Variants in AFF1 observed in about 807,000 individuals in gnomAD.
AFF1 encodes the protein ALF transcription elongation factor 1.
AFF1 carries 48 observed loss-of-function variants against 121.7 expected under a neutral mutation model. The observed-to-expected ratio is 0.39, with a 90% CI of 0.31 to 0.50. The LOEUF (loss-of-function observed/expected upper bound fraction) is 0.50, where lower values mean the gene tolerates loss of function less well. Ranked by LOEUF, AFF1 falls within the 20% of genes least tolerant of loss-of-function variation. The probability of loss-of-function intolerance (pLI) is 0.76; values close to 1 mark genes in which losing one functional copy is unlikely to be tolerated. For synonymous variants in AFF1, 613 were observed against 563.0 expected, an observed-to-expected ratio of 1.09 and a Z score of -1.26; for missense variants, 1,523 against 1,511.7, an observed-to-expected ratio of 1.01 and a Z score of -0.12.
chr4:87,111,012 AT>A (rs1281817683), intron 11 of AFF1, among the ~76,000 whole-genome samples: 11 of 29,270 alleles, frequency 3.8e-4, no homozygotes, highest in South Asian at 8.2e-4. Flanking sequence ...TTTTTTTTTT[AT>A]TTTTTTTTTT....
chr4:86,965,540 A>C (rs1722476639), intron 2 of AFF1, among the ~76,000 whole-genome samples: 1 of 152,202 alleles, frequency 6.6e-6, no homozygotes. Context: ...ATATCTAGGA[A>C]AGCATTGTAG....
chr4:87,118,516 T>A (rs1455567324), intron 12 of AFF1, among the ~76,000 whole-genome samples: 1 of 152,260 alleles, frequency 6.6e-6, no homozygotes, highest in Admixed American at 6.5e-5. Flanking sequence ...ACTATTCTGT[T>A]AATTACTTAT....
At position 87,126,132 on chromosome 4, in the gene AFF1, G is replaced by C; in HGVS notation, c.2607G>C (p.Lys869Asn). 1.2e-6 allele frequency: 2 copies of C among 1,614,162 alleles called. No individual in the cohort carries two copies. Among genetic ancestry groups the C allele is most frequent in the Non-Finnish European group, 1.7e-6 (2 of 1,180,016 alleles). The change falls in exon 14 of 21, where the codon AAG becomes AAC. Residue 869 changes from lysine to asparagine, a missense_variant. By Grantham distance (94) the Lys-to-Asn change is moderately conservative. Around this residue, in one of 5 missense-constraint regions of AFF1, gnomAD observed 905 missense variants for 842.5 expected, o/e 1.07. Coordinates refer to ENST00000395146, the MANE Select transcript of AFF1 (RefSeq NM_001166693.3). Reference sequence around the variant, plus strand: ...GGCCCTCCTCACAGTCCTCAAAGAAGGAAATGCTCCCCCCGCCACCCGTGT... The same window carrying C: ...GGCCCTCCTCACAGTCCTCAAAGAACGAAATGCTCCCCCCGCCACCCGTGT... Reference protein sequence around the residue: ...PSRPSSQSSKKEMLPPPPVSS... With the variant: ...PSRPSSQSSKNEMLPPPPVSS...
chr4:87,008,024 T>G (rs996370613), intron 2 of AFF1, among the ~76,000 whole-genome samples: 2 of 152,118 alleles, frequency 1.3e-5, no homozygotes, highest in African/African-American at 2.4e-5. Flanking sequence ...AGCGCTATTG[T>G]AAGAACCTGA....
chr4:87,017,361 TTA>T (rs748622152), intron 2 of AFF1, among the ~76,000 whole-genome samples: 1 of 152,128 alleles, frequency 6.6e-6, no homozygotes, highest in Non-Finnish European at 1.5e-5. Context: ...TGTTTTCAAT[TTA>T]TATGTGATCT....
At chr4:86,951,389 T>C (rs890766435) in intron 2 of AFF1, among the ~76,000 whole-genome samples, 14 of 149,618 alleles carry the variant, frequency 9.4e-5, no homozygotes, top group Non-Finnish European at 1.9e-4. Context: ...AAAAAAAAAT[T>C]GAGAAAGCAC....
rs1192247383 is a variant in AFF1, at chr4:87,046,741, G to A, written c.206G>A (p.Gly69Glu). Residue 69 changes from glycine (G) to glutamate (E), a missense_variant, in exon 4 of 21, where the codon GGA (glycine) becomes GAA (glutamate). Gly to Glu is a moderately conservative substitution (Grantham distance 98). Transcript: ENST00000395146. ...ELSSRIQNMLGNYEEVKEFLS... is the reference protein window; with the variant it reads ...ELSSRIQNMLENYEEVKEFLS... ...TCTAGTCGAATACAGAACATGTTGG[G>A]AAACTACGAAGAAGTGAAGGAGTTC... 1 of 1,614,114 alleles carries A rather than the reference G, an allele frequency of 6.2e-7. No homozygotes were observed. The highest frequency in any genetic ancestry group is 2.2e-5 in the East Asian group (1 of 44,878).
chr4:87,120,689 C>T (rs988401888), intron 12 of AFF1, among the ~76,000 whole-genome samples: 9 of 152,224 alleles, frequency 5.9e-5, no homozygotes, highest in African/African-American at 2.2e-4. Flanking sequence ...GGTTCCTCCA[C>T]GGCCCCCACC....
chr4:86,995,582 G>C (rs1203715527), intron 2 of AFF1, among the ~76,000 whole-genome samples: 1 of 151,946 alleles, frequency 6.6e-6, no homozygotes, highest in African/African-American at 2.4e-5. Flanking sequence ...CCGAGGTGCC[G>C]GGATTGCAGA....
At chr4:87,123,671 G>GA (rs749128916) in intron 12 of AFF1, among the ~76,000 whole-genome samples, 1 of 152,206 alleles carries the variant, frequency 6.6e-6, no homozygotes, top group Non-Finnish European at 1.5e-5. Context: ...GATGCCAGGA[G>GA]AAGGGAATTT....
intron 11 of AFF1, among the ~76,000 whole-genome samples, chr4:87,113,940 A>C (rs1726814710): frequency 6.6e-6 from 1 of 152,200 alleles, no homozygotes. Flanking sequence ...AAAAGGATAA[A>C]ATGTGAGCCC....
intron 2 of AFF1, among the ~76,000 whole-genome samples, chr4:87,018,359 C>T (rs1304854019): frequency 1.3e-5 from 2 of 152,092 alleles, no homozygotes; most frequent in Admixed American, 1.3e-4. Flanking sequence ...AAACAGGATA[C>T]TGTGAGGGAA....
At chr4:86,946,516 A>G (rs376003024) in intron 1 of AFF1, among the ~76,000 whole-genome samples, 44 of 129,820 alleles carry the variant, frequency 3.4e-4, no homozygotes, top group African/African-American at 1.2e-3. Context: ...CCTCTTAAGT[A>G]GAGTAGCTGG....
intron 2 of AFF1, among the ~76,000 whole-genome samples, chr4:86,963,684 T>G (rs917087706): frequency 1.3e-5 from 2 of 152,200 alleles, no homozygotes; most frequent in Non-Finnish European, 2.9e-5. Flanking sequence ...GGGTTAATAA[T>G]GAAACTGTTT....
At chr4:87,107,993 T>C (rs17012463) in intron 10 of AFF1, among the ~76,000 whole-genome samples, 166 bp from the exon 11 acceptor site, 4,539 of 152,298 alleles carry the variant, frequency 0.03, 235 homozygotes, top group African/African-American at 0.1. Context: ...GTTTTTGCTT[T>C]TCTATTAAAC....
chr4:86,982,158 G>GA (rs1277745953), intron 2 of AFF1, among the ~76,000 whole-genome samples: 2 of 152,208 alleles, frequency 1.3e-5, no homozygotes, highest in Non-Finnish European at 2.9e-5. Flanking sequence ...TCATTGTGAG[G>GA]AAAAGGATGA....
intron 12 of AFF1, among the ~76,000 whole-genome samples, chr4:87,122,591 A>T (rs142350221): frequency 1.3e-5 from 2 of 151,918 alleles, no homozygotes; most frequent in Non-Finnish European, 2.9e-5. Context: ...TGCTTATTTC[A>T]TATTGTCTCC....
chr4:87,074,651 G>T (rs1044566832), intron 4 of AFF1, among the ~76,000 whole-genome samples: 10 of 152,158 alleles, frequency 6.6e-5, no homozygotes, highest in African/African-American at 2.4e-4. Flanking sequence ...TTGACATATT[G>T]TCATAATATG....
At position 87,127,627 on chromosome 4, in the gene AFF1, T is replaced by G. The variant is rs771214097; in HGVS notation, c.2904-16T>G. 6.2e-7 allele frequency: 1 copy of G among 1,614,034 alleles called. No homozygotes were observed. The highest frequency in any genetic ancestry group is 8.5e-7 in the Non-Finnish European group (1 of 1,179,980). The stretch of plus-strand genomic sequence containing the variant: ...TTGGCTCATATGACCTGTCCCTGGT[T>G]TTTCCTCTTTTTCAGACAACAAGCA... On this transcript the variant is annotated splice_polypyrimidine_tract_variant and intron_variant, in intron 15 of 20. Coordinates refer to ENST00000395146, the MANE Select transcript of AFF1 (RefSeq NM_001166693.3).
Sources: gnomAD v4.1 joint callset for allele counts (sites outside exome capture counted in the v4.1 genomes callset) on GRCh38, gnomAD v4.1.1 for gene constraint, gnomAD v4.1.1 regional missense constraint, MANE v1.5 for transcripts, NCBI Gene and HGNC (gene_info 2026-07-23, HGNC 2026-07-21) for gene names.